SAE1: variants seen among roughly 807,000 people sequenced by gnomAD.
SAE1 encodes SUMO-activating enzyme subunit 1.
In SAE1, 11 loss-of-function variants were observed where a neutral mutation model predicts 40.6. The ratio of observed to expected loss-of-function variants is 0.27; its 90% CI spans 0.17 to 0.45. The LOEUF (loss-of-function observed/expected upper bound fraction) is 0.45, where lower values mean the gene tolerates loss of function less well. Among genes scored for constraint, SAE1 ranks in the 20% least tolerant of loss-of-function variants. The pLI, the probability that SAE1 is intolerant of heterozygous loss-of-function variation, is 1.00. For synonymous variants in SAE1, 155 were observed against 154.3 expected, an observed-to-expected ratio of 1.00 and a Z score of -0.03; for missense variants, 373 against 427.3, an observed-to-expected ratio of 0.87 and a Z score of 1.12.
At chr19:47,155,020 A>G (rs2058312317) in intron 4 of SAE1, 94 bp from the exon 5 acceptor site, 8 of 773,860 alleles carry the variant, frequency 1.0e-5, no homozygotes, top group Non-Finnish European at 1.8e-5. Flanking sequence ...GCCCTTAACC[A>G]CCATCCCGAT....
rs757400022 is a variant in SAE1, at chr19:47,169,821, G to A, written c.631G>A (p.Val211Met). Reference protein sequence around the residue: ...SSETTMVKKKVVFCPVKEALE... With the variant: ...SSETTMVKKKMVFCPVKEALE... ...CAGTTCTGCCTTTTTTCCACAGAAGGTGGTCTTCTGCCCTGTTAAAGAAGC... is the reference window on the plus strand; with the variant it reads ...CAGTTCTGCCTTTTTTCCACAGAAGATGGTCTTCTGCCCTGTTAAAGAAGC... The change falls in exon 6 of 9, where the codon GTG becomes ATG. Residue 211 changes from valine to methionine, a missense_variant. This residue lies in a region of SAE1 where 351 missense variants were observed against 390.6 expected (regional missense o/e 0.90). Coordinates refer to ENST00000270225, the MANE Select transcript of SAE1 (RefSeq NM_005500.3). 2 of 1,610,946 alleles carry A rather than the reference G, an allele frequency of 1.2e-6. No individual in the cohort carries two copies. Among genetic ancestry groups the A allele is most frequent in the Admixed American group, 1.7e-5 (1 of 59,968 alleles).
intron 5 of SAE1, 45 bp downstream of exon 5, chr19:47,155,258 G>C (rs1340544603): frequency 1.5e-6 from 2 of 1,296,612 alleles, no homozygotes; most frequent in Non-Finnish European, 1.1e-6. Flanking sequence ...TGGGGCCTTG[G>C]AGGGGTCAGG....
intron 6 of SAE1, among the ~76,000 whole-genome samples, chr19:47,189,572 A>G (rs993163226): frequency 1.3e-5 from 2 of 151,626 alleles, no homozygotes; most frequent in Non-Finnish European, 2.9e-5. Context: ...AAACGAACAA[A>G]CAAAAAAAAC....
intron 5 of SAE1, among the ~76,000 whole-genome samples, chr19:47,166,674 C>T (rs1210772781): frequency 1.3e-5 from 2 of 152,174 alleles, no homozygotes; most frequent in Non-Finnish European, 2.9e-5. Flanking sequence ...TGAAACCTGC[C>T]TGGTAATACT....
intron 1 of SAE1, among the ~76,000 whole-genome samples, chr19:47,131,306 C>T (rs948331132): frequency 8.6e-5 from 13 of 151,916 alleles, no homozygotes; most frequent in East Asian, 1.9e-4. Flanking sequence ...TCAGGAAATC[C>T]GAGGCCCGAA....
At chr19:47,143,703 G>A in intron 2 of SAE1, 98 bp downstream of exon 2, 1 of 841,932 alleles carries the variant, frequency 1.2e-6, no homozygotes, top group Admixed American at 2.0e-5. Flanking sequence ...CTTAAGGGCT[G>A]TGAAAGGAGG....
In SAE1 at chr19:47,165,076, C is replaced by CTTTT. The variant is rs769656956; in HGVS notation, c.628-4720_628-4717dup. 2.7e-3 allele frequency among the ~76,000 whole-genome samples: 160 copies of CTTTT among 59,108 alleles called. 3 individuals are homozygous for CTTTT. Among genetic ancestry groups the CTTTT allele is most frequent in the South Asian group, 3.8e-3 (5 of 1,314 alleles). 38.8% of individuals were successfully genotyped at this position (59,108 alleles called of 152,430 possible). On this transcript the variant is annotated intron_variant, in intron 5 of 8. Transcript: ENST00000270225. ...CTGGGATTACAGGCATGAGCCAAGT[C>CTTTT]TTTTTTTTTTTTTTTTTTTTTTTTT...
chr19:47,131,085 G>T (rs1030107045), intron 1 of SAE1, 57 bp downstream of exon 1: 35 of 1,468,384 alleles, frequency 2.4e-5, no homozygotes, highest in Non-Finnish European at 3.1e-5. Context: ...CTATTCTGAG[G>T]CGTTTGCGGC....
At chr19:47,183,332 T>C (rs929923618) in intron 6 of SAE1, among the ~76,000 whole-genome samples, 3 of 152,126 alleles carry the variant, frequency 2.0e-5, no homozygotes, top group African/African-American at 7.2e-5. Context: ...CTAAGTCATT[T>C]GTCCAGGGTC....
At chr19:47,165,855 A>C (rs2058388977) in intron 5 of SAE1, among the ~76,000 whole-genome samples, 1 of 152,250 alleles carries the variant, frequency 6.6e-6, no homozygotes. Context: ...GCCACTGGGC[A>C]ATCCCAGAGG....
intron 1 of SAE1, among the ~76,000 whole-genome samples, chr19:47,138,894 T>G (rs1267950954): frequency 2.0e-5 from 3 of 152,174 alleles, no homozygotes; most frequent in Non-Finnish European, 4.4e-5. Context: ...GAAGAGGATG[T>G]GGACCTATTT....
chr19:47,201,947 A>G (rs1355248157), intron 7 of SAE1, among the ~76,000 whole-genome samples: 1 of 151,956 alleles, frequency 6.6e-6, no homozygotes, highest in East Asian at 1.9e-4. Flanking sequence ...TTCTCCATGT[A>G]TTTTAGAGCT....
At chr19:47,194,004 A>G (rs1041138798) in intron 6 of SAE1, among the ~76,000 whole-genome samples, 1 of 150,982 alleles carries the variant, frequency 6.6e-6, no homozygotes, top group Non-Finnish European at 1.5e-5. Flanking sequence ...TTTTTTTTTT[A>G]CCTGGGCATC....
At chr19:47,158,882 TACC>T (rs2058340402) in intron 5 of SAE1, among the ~76,000 whole-genome samples, 2 of 152,226 alleles carry the variant, frequency 1.3e-5, no homozygotes, top group Non-Finnish European at 2.9e-5. Context: ...CAAAGAGGGA[TACC>T]CCTGAAGTTG....
At chr19:47,182,778 T>C (rs994259709) in intron 6 of SAE1, among the ~76,000 whole-genome samples, 1 of 152,058 alleles carries the variant, frequency 6.6e-6, no homozygotes, top group African/African-American at 2.4e-5. Context: ...GCACACATTG[T>C]GAATTAATAG....
intron 1 of SAE1, among the ~76,000 whole-genome samples, chr19:47,136,352 G>A (rs1273547877): frequency 6.6e-6 from 1 of 151,730 alleles, no homozygotes; most frequent in East Asian, 1.9e-4. Flanking sequence ...TGGCCAGGCT[G>A]GTCTCAAACT....
At chr19:47,170,046 C>G in intron 6 of SAE1, 123 bp downstream of exon 6, 2 of 706,514 alleles carry the variant, frequency 2.8e-6, no homozygotes, top group East Asian at 5.4e-5. Flanking sequence ...TTGGCTAGTT[C>G]TCAGTGATCA....
chr19:47,188,455 C>T (rs946396633), intron 6 of SAE1, among the ~76,000 whole-genome samples: 1 of 152,148 alleles, frequency 6.6e-6, no homozygotes, highest in African/African-American at 2.4e-5. Flanking sequence ...GAGGCAGTAT[C>T]GTGTCCAGAG....
intron 6 of SAE1, among the ~76,000 whole-genome samples, chr19:47,185,798 C>G (rs920197885): frequency 6.6e-6 from 1 of 151,064 alleles, no homozygotes; most frequent in Non-Finnish European, 1.5e-5. Flanking sequence ...GACAGGGTTT[C>G]ACTATGTTGG....
Sources: gnomAD v4.1 joint callset for allele counts (sites outside exome capture counted in the v4.1 genomes callset) on GRCh38, gnomAD v4.1.1 for gene constraint, gnomAD v4.1.1 regional missense constraint, MANE v1.5 for transcripts, NCBI Gene and HGNC (gene_info 2026-07-23, HGNC 2026-07-21) for gene names.